THEMIS: variants seen among roughly 807,000 people sequenced by gnomAD.
THEMIS encodes protein THEMIS.
In THEMIS, 37 loss-of-function variants were observed where a neutral mutation model predicts 52.6. The ratio of observed to expected loss-of-function variants is 0.70; its 90% CI spans 0.54 to 0.93. THEMIS has a LOEUF of 0.93. Ranked by LOEUF, THEMIS falls within the 40% of genes least tolerant of loss-of-function variation. The pLI is 0.00. For synonymous variants in THEMIS, 292 were observed against 272.7 expected (o/e 1.07, Z -0.70); for missense variants, 808 against 763.1 (o/e 1.06, Z -0.69).
intron 4 of THEMIS, among the ~76,000 whole-genome samples, chr6:127,722,583 C>A (rs570217773): frequency 6.6e-6 from 1 of 151,904 alleles, no homozygotes; most frequent in Non-Finnish European, 1.5e-5. Flanking sequence ...CTTACCCTGA[C>A]GAAAATCTCA....
chr6:127,822,198 A>G (rs1778364465), intron 3 of THEMIS, among the ~76,000 whole-genome samples: 1 of 152,070 alleles, frequency 6.6e-6, no homozygotes, highest in African/African-American at 2.4e-5. Flanking sequence ...TAGGGCAGTT[A>G]TTAGATTTAC....
At chr6:127,737,070 C>G (rs567777221) in intron 4 of THEMIS, among the ~76,000 whole-genome samples, 2 of 152,212 alleles carry the variant, frequency 1.3e-5, no homozygotes, top group Admixed American at 1.3e-4. Flanking sequence ...AATAAAGCAA[C>G]CAGGAGACTG....
intron 2 of THEMIS, among the ~76,000 whole-genome samples, chr6:127,844,870 A>G (rs1447287720): frequency 6.6e-6 from 1 of 151,948 alleles, no homozygotes; most frequent in African/African-American, 2.4e-5. Flanking sequence ...TTCAGCTAGA[A>G]AGAGTGTTTT....
intron 4 of THEMIS, among the ~76,000 whole-genome samples, chr6:127,750,638 T>C (rs1775608543): frequency 6.6e-6 from 1 of 151,896 alleles, no homozygotes; most frequent in Non-Finnish European, 1.5e-5. Context: ...AAAATCTGCT[T>C]GTTCTAACAC....
rs866239228 is a variant in THEMIS, at chr6:127,780,093, G to A, written c.1758+32790C>T. Among the ~76,000 whole-genome samples, 39 of 152,282 alleles carry A rather than the reference G, an allele frequency of 2.6e-4. No homozygotes were observed. In the Middle Eastern group the frequency reaches 0.02, roughly 80 times the overall value. On this transcript the variant is annotated intron_variant, in intron 4 of 5. Coordinates refer to ENST00000368248, the MANE Select transcript of THEMIS (RefSeq NM_001010923.3). ...GAATCTGGGTGATCCTGTATTGGGT[G>A]CATATATATTTAGGATAGTAGCTCT...
intron 4 of THEMIS, among the ~76,000 whole-genome samples, chr6:127,797,402 A>T (rs1777367089): frequency 6.6e-6 from 1 of 152,174 alleles, no homozygotes; most frequent in Non-Finnish European, 1.5e-5. Context: ...TGCACTAGTC[A>T]AGGTCCCTTT....
chr6:127,808,329 G>A (rs1777789144), intron 4 of THEMIS, among the ~76,000 whole-genome samples: 1 of 152,188 alleles, frequency 6.6e-6, no homozygotes, highest in Admixed American at 6.5e-5. Context: ...ACCCCAGTGA[G>A]TATATGTTCT....
At chr6:127,809,024 T>C (rs1165710172) in intron 4 of THEMIS, among the ~76,000 whole-genome samples, 1 of 152,214 alleles carries the variant, frequency 6.6e-6, no homozygotes, top group African/African-American at 2.4e-5. Flanking sequence ...AGAAATGATT[T>C]AGTAAAGTTA....
chr6:127,910,398 G>T (rs954016695), intron 1 of THEMIS, among the ~76,000 whole-genome samples: 1 of 152,012 alleles, frequency 6.6e-6, no homozygotes, highest in Admixed American at 6.6e-5. Flanking sequence ...GAAAATTCTT[G>T]CTATAAACAG....
Position 127,813,287 on chromosome 6 carries a change from G to A in THEMIS, c.1354C>T (p.Gln452Ter). Residue 452 changes from glutamine to a stop codon, truncating the protein, a stop_gained, in exon 4 of 6, where the codon CAG becomes TAG. Transcript: ENST00000368248. LOFTEE classifies it high-confidence loss of function. ...TTCACATTGAAGGGCAAACGGAACT[G>A]TTTACAGAGCTCAGAAATCGGGTAC... ...KQYPISELCK[Q>*]FRLPFNVKVS... The A allele has an allele frequency of 1.2e-6, 2 of 1,614,114 alleles. No homozygotes were observed. The highest frequency in any genetic ancestry group is 1.7e-6 in the Non-Finnish European group (2 of 1,180,008).
At chr6:127,855,923 A>T (rs1779603716) in intron 1 of THEMIS, among the ~76,000 whole-genome samples, 1 of 151,982 alleles carries the variant, frequency 6.6e-6, no homozygotes, top group Non-Finnish European at 1.5e-5. Flanking sequence ...CCACAAGATG[A>T]ACAACAGCCA....
At chr6:127,883,525 C>T (rs1053152342) in intron 1 of THEMIS, among the ~76,000 whole-genome samples, 1 of 151,854 alleles carries the variant, frequency 6.6e-6, no homozygotes, top group African/African-American at 2.4e-5. Context: ...TATAGATTCA[C>T]ATATTTATGT....
At chr6:127,792,871 G>A (rs541740203) in intron 4 of THEMIS, among the ~76,000 whole-genome samples, 2 of 152,330 alleles carry the variant, frequency 1.3e-5, no homozygotes, top group South Asian at 4.1e-4. Context: ...CCAATTATAA[G>A]TGAACAGGTA....
intron 4 of THEMIS, among the ~76,000 whole-genome samples, chr6:127,783,560 A>T (rs1776820360): frequency 6.6e-6 from 1 of 152,246 alleles, no homozygotes. Flanking sequence ...CAACCCCATC[A>T]AAAACTGGGT....
In THEMIS at chr6:127,746,331, C is replaced by A. The variant is rs74443013; in HGVS notation, c.1759-26508G>T. Among the ~76,000 whole-genome samples the A allele has an allele frequency of 5.3e-3, 808 of 151,776 alleles. 7 individuals carry two copies. Among genetic ancestry groups the A allele is most frequent in the African/African-American group, 0.019 (776 of 41,472 alleles). ...TACCCTAAAAATCAGGGATTCTATA[C>A]TACTAAGGAGGAAGCAAAGAACAAT... On this transcript the variant is annotated intron_variant, in intron 4 of 5. Coordinates refer to ENST00000368248, the MANE Select transcript of THEMIS (RefSeq NM_001010923.3).
intron 1 of THEMIS, among the ~76,000 whole-genome samples, chr6:127,882,185 A>C (rs577738146): frequency 6.6e-6 from 1 of 151,856 alleles, no homozygotes; most frequent in Non-Finnish European, 1.5e-5. Context: ...CCATACTTCA[A>C]GTACCCAATA....
At chr6:127,723,317 T>G (rs557376290) in intron 4 of THEMIS, among the ~76,000 whole-genome samples, 11 of 152,058 alleles carry the variant, frequency 7.2e-5, no homozygotes, top group Non-Finnish European at 1.2e-4. Flanking sequence ...CTCAGCAGCA[T>G]CTGACATGTC....
At chr6:127,707,420 A>G (rs2114438699), downstream of THEMIS, among the ~76,000 whole-genome samples, 1 of 152,248 alleles carries the variant, frequency 6.6e-6, no homozygotes, top group African/African-American at 2.4e-5. Context: ...TAATAATAGC[A>G]CATATTTTAA....
intron 3 of THEMIS, among the ~76,000 whole-genome samples, chr6:127,819,589 A>G (rs1232965827): frequency 2.0e-5 from 3 of 152,212 alleles, no homozygotes; most frequent in African/African-American, 4.8e-5. Context: ...TTTACAGTGG[A>G]CTTTTCTTTG....
Sources: gnomAD v4.1 joint callset for allele counts (sites outside exome capture counted in the v4.1 genomes callset) on GRCh38, gnomAD v4.1.1 for gene constraint, MANE v1.5 for transcripts, NCBI Gene and HGNC (gene_info 2026-07-23, HGNC 2026-07-21) for gene names.